The following PHKA1 variants were observed in gnomAD, a reference collection of about 807,000 sequenced individuals.
PHKA1 encodes phosphorylase kinase regulatory subunit alpha 1.
PHKA1 carries 60 observed loss-of-function variants against 110.2 expected under a neutral mutation model. That is an observed-to-expected ratio of 0.54 (90% CI 0.44 to 0.68). The LOEUF is 0.68. Among genes scored for constraint, PHKA1 ranks in the 30% least tolerant of loss-of-function variants. The pLI is 0.00. For missense variants in PHKA1, 801 were observed against 942.5 expected (o/e 0.85, Z 1.97); for synonymous variants, 316 against 333.6 (o/e 0.95, Z 0.58).
chrX:72,624,254 A>G (rs1556281260), intron 17 of PHKA1, among the ~76,000 whole-genome samples: 1 of 111,976 alleles, frequency 8.9e-6, no homozygotes, highest in Non-Finnish European at 1.9e-5. Context: ...TCTCTTTTGA[A>G]TATAAGCTTA....
intron 5 of PHKA1, among the ~76,000 whole-genome samples, chrX:72,681,470 C>G (rs2053869008): frequency 1.0e-5 from 1 of 96,802 alleles, no homozygotes; most frequent in South Asian, 4.9e-4. Flanking sequence ...CCCGCCCGGC[C>G]AGCCGTGCCA....
intron 29 of PHKA1, among the ~76,000 whole-genome samples, chrX:72,587,250 C>T (rs782219686): frequency 8.9e-6 from 1 of 111,766 alleles, no homozygotes; most frequent in East Asian, 2.8e-4. Flanking sequence ...AGAAACTCTA[C>T]AAGCCAGAAG....
Position 72,657,661 on chromosome X carries a change from AG to A in PHKA1, c.865-21del, listed in dbSNP as rs782703151. ...ACGACCCTGGGAATACAAAGAAAAA[AG>A]GTCAGCAGCTTGTACACTGGTACGG... On this transcript the variant is annotated intron_variant, in intron 8 of 31. Coordinates refer to ENST00000373542, the MANE Select transcript of PHKA1 (RefSeq NM_002637.4). The A allele has an allele frequency of 8.4e-7, 1 of 1,184,253 alleles. No individual in the cohort carries two copies. The highest frequency in any genetic ancestry group is 3.0e-5 in the East Asian group (1 of 33,677).
intron 28 of PHKA1, among the ~76,000 whole-genome samples, chrX:72,599,373 A>T (rs2052629222): frequency 9.0e-6 from 1 of 111,641 alleles, no homozygotes; most frequent in Admixed American, 9.5e-5. Context: ...CAAAGACCAC[A>T]TCCATTTTGT....
intron 14 of PHKA1, among the ~76,000 whole-genome samples, chrX:72,636,657 T>A (rs2053234632): frequency 8.9e-6 from 1 of 112,067 alleles, no homozygotes; most frequent in Non-Finnish European, 1.9e-5. Context: ...AATCAATACC[T>A]CTTACGATGA....
intron 6 of PHKA1, among the ~76,000 whole-genome samples, chrX:72,669,847 G>A (rs1603267379): frequency 9.0e-6 from 1 of 110,612 alleles, no homozygotes; most frequent in African/African-American, 3.3e-5. Context: ...ACATACGGGT[G>A]CACGTGTCTT....
chrX:72,646,844 T>C (rs782360697), intron 13 of PHKA1, among the ~76,000 whole-genome samples: 9 of 111,091 alleles, frequency 8.1e-5, no homozygotes, highest in Non-Finnish European at 1.5e-4. Context: ...AAAAAGTTAC[T>C]ACAGGGCCAG....
intron 13 of PHKA1, among the ~76,000 whole-genome samples, chrX:72,645,034 G>A (rs1353408468): frequency 2.7e-5 from 3 of 111,594 alleles, no homozygotes; most frequent in Non-Finnish European, 5.6e-5. Flanking sequence ...AGCAGGTAGC[G>A]GGTGCTGGGG....
At chrX:72,602,651 C>T (rs2052673014) in intron 26 of PHKA1, among the ~76,000 whole-genome samples, 1 of 112,057 alleles carries the variant, frequency 8.9e-6, no homozygotes, top group African/African-American at 3.2e-5. Context: ...ATTTGCTCTG[C>T]TGCTTTAGGT....
At chrX:72,599,212 C>T (rs1207336359) in intron 28 of PHKA1, among the ~76,000 whole-genome samples, 1 of 111,693 alleles carries the variant, frequency 9.0e-6, no homozygotes, top group Non-Finnish European at 1.9e-5. Context: ...AATATTGTTT[C>T]GAATAATTTT....
chrX:72,712,684 G>T, intron 2 of PHKA1, 95 bp downstream of exon 2: 1 of 798,137 alleles, frequency 1.3e-6, no homozygotes, highest in Middle Eastern at 4.2e-4. Flanking sequence ...AGTTCTCTTA[G>T]CTTTTGGTGG....
At chrX:72,642,901 T>A (rs1205552543) in intron 14 of PHKA1, among the ~76,000 whole-genome samples, 1 of 112,000 alleles carries the variant, frequency 8.9e-6, no homozygotes. Context: ...ATTCTAATCA[T>A]GTTATATTTG....
intron 3 of PHKA1, among the ~76,000 whole-genome samples, chrX:72,701,177 G>A: frequency 8.9e-6 from 1 of 112,287 alleles, no homozygotes; most frequent in African/African-American, 3.2e-5. Context: ...GCTTTGACTG[G>A]AATGGTGTGC....
intron 5 of PHKA1, 71 bp from the exon 6 acceptor site, chrX:72,676,221 T>G (rs2053778225): frequency 1.3e-6 from 1 of 787,988 alleles, no homozygotes; most frequent in Middle Eastern, 3.0e-4. Flanking sequence ...CAGGAAGTGT[T>G]TACCCTTGAA....
chrX:72,660,563 T>C, intron 8 of PHKA1: 3 of 368,260 alleles, frequency 8.1e-6, no homozygotes, highest in South Asian at 9.3e-5. Flanking sequence ...TGGTATAGAC[T>C]ATGTAATACC....
intron 10 of PHKA1, among the ~76,000 whole-genome samples, chrX:72,655,491 TTATC>T (rs1229194061): frequency 2.7e-5 from 3 of 112,620 alleles, no homozygotes; most frequent in Non-Finnish European, 5.6e-5. Context: ...CAATATGTCT[TTATC>T]TGTGAAATTC....
intron 6 of PHKA1, among the ~76,000 whole-genome samples, chrX:72,668,498 A>G (rs1249901687): frequency 8.9e-6 from 1 of 112,241 alleles, no homozygotes; most frequent in Non-Finnish European, 1.9e-5. Flanking sequence ...AAAAAATGGT[A>G]TATCTGTTGC....
chrX:72,714,101 C>T lies in PHKA1; in HGVS notation c.-221G>A. The T allele has an allele frequency of 2.3e-6, 1 of 434,021 alleles. No individual in the cohort carries two copies. Among genetic ancestry groups the T allele is most frequent in the Non-Finnish European group, 4.1e-6 (1 of 245,851 alleles). 35.8% of individuals were successfully genotyped at this position (434,021 alleles called of 1,213,427 possible). On this transcript the variant is annotated 5_prime_UTR_variant, in exon 1 of 32. It adds an upstream start codon to the 5' untranslated region. Coordinates refer to ENST00000373542, the MANE Select transcript of PHKA1 (RefSeq NM_002637.4). Reference sequence around the variant, plus strand: ...GGCCCACCACGCGCCAGCGCTAGCACTGGCTTCCCGCGGTCTAGAGCCCCG... The same window carrying T: ...GGCCCACCACGCGCCAGCGCTAGCATTGGCTTCCCGCGGTCTAGAGCCCCG...
chrX:72,708,808 A>G (rs2054326488), intron 2 of PHKA1, among the ~76,000 whole-genome samples: 1 of 111,995 alleles, frequency 8.9e-6, no homozygotes, highest in Admixed American at 9.5e-5. Flanking sequence ...CAAAATATGC[A>G]CATTAGTACA....
Sources: gnomAD v4.1 joint callset for allele counts (sites outside exome capture counted in the v4.1 genomes callset) on GRCh38, gnomAD v4.1.1 for gene constraint, MANE v1.5 for transcripts, NCBI Gene and HGNC (gene_info 2026-07-23, HGNC 2026-07-21) for gene names.